The following USP46 variants were observed in gnomAD, a reference collection of about 807,000 sequenced individuals.
The protein encoded by USP46 is ubiquitin specific peptidase 46, also known as ubiquitin carboxyl-terminal hydrolase 46.
USP46 carries 12 observed loss-of-function variants against 44.4 expected under a neutral mutation model. The observed-to-expected ratio is 0.27, with a 90% CI of 0.17 to 0.44. The LOEUF (loss-of-function observed/expected upper bound fraction) is 0.44, where lower values mean the gene tolerates loss of function less well. Among genes scored for constraint, USP46 ranks in the 20% least tolerant of loss-of-function variants. The pLI, the probability that USP46 is intolerant of heterozygous loss-of-function variation, is 1.00. For missense variants in USP46, 248 were observed against 444.8 expected, an observed-to-expected ratio of 0.56 and a Z score of 3.98; for synonymous variants, 155 against 161.5, an observed-to-expected ratio of 0.96 and a Z score of 0.31.
At chr4:52,656,762 C>A (rs984125068) in intron 1 of USP46, among the ~76,000 whole-genome samples, 1 of 151,522 alleles carries the variant, frequency 6.6e-6, no homozygotes, top group South Asian at 2.1e-4. Flanking sequence ...CAGGACCTGC[C>A]GGGTATGGTG....
At chr4:52,644,204 T>C (rs767256685) in intron 1 of USP46, among the ~76,000 whole-genome samples, 3 of 152,186 alleles carry the variant, frequency 2.0e-5, no homozygotes, top group Admixed American at 1.3e-4. Context: ...GTTAACTAAC[T>C]TGCCAAGGTC....
intron 4 of USP46, among the ~76,000 whole-genome samples, chr4:52,617,170 T>C (rs559272738): frequency 9.6e-4 from 147 of 152,346 alleles, no homozygotes; most frequent in African/African-American, 3.4e-3. Flanking sequence ...AACAGTGGCA[T>C]CTGAGTGGCA....
intron 1 of USP46, among the ~76,000 whole-genome samples, chr4:52,657,521 G>A (rs994966094): frequency 6.6e-6 from 1 of 152,104 alleles, no homozygotes; most frequent in Non-Finnish European, 1.5e-5. Context: ...TCACTACCCT[G>A]TAGTATCCTT....
intron 1 of USP46, among the ~76,000 whole-genome samples, chr4:52,634,336 C>G (rs2109644279): frequency 6.6e-6 from 1 of 150,630 alleles, no homozygotes; most frequent in East Asian, 2.0e-4. Flanking sequence ...TGGTAAAACC[C>G]TGTCTCTACT....
At chr4:52,629,175 C>T (rs1269163397) in intron 2 of USP46, among the ~76,000 whole-genome samples, 1 of 152,182 alleles carries the variant, frequency 6.6e-6, no homozygotes, top group African/African-American at 2.4e-5. Context: ...TACCCAAGAG[C>T]GAGACAGATG....
At chr4:52,630,639 G>T (rs1717782310) in intron 2 of USP46, among the ~76,000 whole-genome samples, 1 of 151,330 alleles carries the variant, frequency 6.6e-6, no homozygotes, top group South Asian at 2.1e-4. Flanking sequence ...TCGGGAGGCT[G>T]AGGTAGGAGA....
At chr4:52,605,057 G>A (rs1716635567) in intron 5 of USP46, among the ~76,000 whole-genome samples, 1 of 152,172 alleles carries the variant, frequency 6.6e-6, no homozygotes, top group African/African-American at 2.4e-5. Flanking sequence ...TGTAGTTAAT[G>A]AAAAATAGTA....
chr4:52,592,732 G>C lies in USP46; in HGVS notation c.*4908C>G. ...CACATGCCTGTAGTCCCAGCTACTT[G>C]GGAGGCTGAGGCAGAAGAATCGCTT... On this transcript the variant is annotated 3_prime_UTR_variant, in exon 9 of 9. Transcript: ENST00000441222. The C allele has an allele frequency of 2.5e-6, 1 of 395,588 alleles. No individual in the cohort carries two copies. Among genetic ancestry groups the C allele is most frequent in the Non-Finnish European group, 4.5e-6 (1 of 224,700 alleles). 24.5% of individuals were successfully genotyped at this position (395,588 alleles called of 1,614,324 possible). A position where few individuals can be genotyped will look rare whatever the true frequency, so the allele number is the denominator to read the frequency against.
At chr4:52,605,766 C>T (rs1716664870) in intron 5 of USP46, among the ~76,000 whole-genome samples, 1 of 152,186 alleles carries the variant, frequency 6.6e-6, no homozygotes, top group African/African-American at 2.4e-5. Flanking sequence ...CTGCTGAAAT[C>T]CTCCAGCAGT....
intron 1 of USP46, among the ~76,000 whole-genome samples, chr4:52,646,157 C>T (rs1281940198): frequency 6.6e-6 from 1 of 152,134 alleles, no homozygotes; most frequent in African/African-American, 2.4e-5. Flanking sequence ...TTCATCCTCC[C>T]ATCTTCTCAT....
At chr4:52,620,167 C>G (rs1369781961) in intron 4 of USP46, among the ~76,000 whole-genome samples, 1 of 152,112 alleles carries the variant, frequency 6.6e-6, no homozygotes, top group Non-Finnish European at 1.5e-5. Context: ...CTTGACAATG[C>G]AATATTTGCA....
chr4:52,651,547 A>T (rs1718772024), intron 1 of USP46, among the ~76,000 whole-genome samples: 1 of 152,190 alleles, frequency 6.6e-6, no homozygotes, highest in Non-Finnish European at 1.5e-5. Flanking sequence ...TAAATATTTA[A>T]GACAGTAATT....
At chr4:52,602,174 A>C in intron 6 of USP46, 120 bp from the exon 7 acceptor site, 2 of 1,115,904 alleles carry the variant, frequency 1.8e-6, no homozygotes, top group Non-Finnish European at 2.5e-6. Flanking sequence ...CCAGCAAACA[A>C]CCAAACAGTT....
intron 6 of USP46, among the ~76,000 whole-genome samples, chr4:52,602,950 C>T (rs921096967): frequency 6.6e-6 from 1 of 152,178 alleles, no homozygotes; most frequent in Non-Finnish European, 1.5e-5. Flanking sequence ...GAGGGTCTTC[C>T]AGTTACCTTC....
intron 4 of USP46, among the ~76,000 whole-genome samples, chr4:52,623,131 C>G (rs887087698): frequency 2.6e-5 from 4 of 151,958 alleles, no homozygotes; most frequent in Non-Finnish European, 5.9e-5. Context: ...ATGGGAGTAG[C>G]AGGGAGGAAG....
intron 2 of USP46, 101 bp downstream of exon 2, chr4:52,630,963 C>T (rs1577681805): frequency 5.2e-6 from 5 of 959,122 alleles, no homozygotes; most frequent in Non-Finnish European, 8.0e-6. Flanking sequence ...CGGAGCATGA[C>T]CAATCATTTA....
chr4:52,610,880 CTCCAT>C (rs1716910701), intron 4 of USP46, among the ~76,000 whole-genome samples: 1 of 152,128 alleles, frequency 6.6e-6, no homozygotes, highest in African/African-American at 2.4e-5. Context: ...TTCTCTTCCT[CTCCAT>C]TCATTTTTCC....
chr4:52,631,523 C>CA (rs1717826878), intron 1 of USP46, among the ~76,000 whole-genome samples: 1 of 152,156 alleles, frequency 6.6e-6, no homozygotes, highest in African/African-American at 2.4e-5. Context: ...TTACCACTAT[C>CA]AAAGTCAATG....
chr4:52,617,497 A>G (rs891141031), intron 4 of USP46, among the ~76,000 whole-genome samples: 32 of 152,332 alleles, frequency 2.1e-4, no homozygotes, highest in African/African-American at 7.5e-4. Flanking sequence ...TACCTCTCTC[A>G]ATTCCAAATG....
Sources: gnomAD v4.1 joint callset for allele counts (sites outside exome capture counted in the v4.1 genomes callset) on GRCh38, gnomAD v4.1.1 for gene constraint, MANE v1.5 for transcripts, NCBI Gene and HGNC (gene_info 2026-07-23, HGNC 2026-07-21) for gene names.